ZNF143: variants seen among roughly 807,000 people sequenced by gnomAD.
The protein encoded by ZNF143 is zinc finger protein 143.
A neutral mutation model predicts 74.1 loss-of-function variants in ZNF143; 49 were observed. That is an observed-to-expected ratio of 0.66 (90% CI 0.53 to 0.84). The LOEUF is 0.84. Among genes scored for constraint, ZNF143 ranks in the 40% least tolerant of loss-of-function variants. The probability of loss-of-function intolerance (pLI) is 0.00; values close to 1 mark genes in which losing one functional copy is unlikely to be tolerated. For missense variants in ZNF143, 637 were observed against 793.4 expected (o/e 0.80, Z 2.37); for synonymous variants, 304 against 282.8 (o/e 1.07, Z -0.75).
chr11:9,504,086 A>C lies in ZNF143; in HGVS notation c.1147+2816A>C, dbSNP rs1445001767. 6.0e-5 allele frequency among the ~76,000 whole-genome samples: 8 copies of C among 133,564 alleles called. 1 individual carries two copies. The highest frequency in any genetic ancestry group is 2.3e-4 in the African/African-American group (8 of 34,796). 87.6% of individuals were successfully genotyped at this position (133,564 alleles called of 152,430 possible). On this transcript the variant is annotated intron_variant, in intron 11 of 15. Transcript: ENST00000396602. ...GCAATTCTTCTGCCTCAGCCCCCAC[A>C]AGTAGCTGGGATTACAGACACCTGC...
intron 7 of ZNF143, among the ~76,000 whole-genome samples, chr11:9,486,371 A>ATAAT (rs1477531952): frequency 1.4e-4 from 5 of 36,716 alleles, no homozygotes; most frequent in African/African-American, 5.0e-4. Context: ...TATTATATAT[A>ATAAT]ATATATTATA....
chr11:9,502,772 G>T (rs1028982178), intron 11 of ZNF143, among the ~76,000 whole-genome samples: 1 of 151,608 alleles, frequency 6.6e-6, no homozygotes, highest in African/African-American at 2.4e-5. Context: ...AAGCAATCAC[G>T]AATCTACTTT....
chr11:9,522,312 A>C (rs1848960431), intron 14 of ZNF143, among the ~76,000 whole-genome samples: 1 of 152,000 alleles, frequency 6.6e-6, no homozygotes, highest in East Asian at 1.9e-4. Flanking sequence ...GCTGGCCTCA[A>C]ACTCCTGGGC....
intron 5 of ZNF143, among the ~76,000 whole-genome samples, chr11:9,475,079 G>A (rs1419186934): frequency 6.6e-6 from 1 of 152,190 alleles, no homozygotes; most frequent in African/African-American, 2.4e-5. Context: ...TAGAGACAGG[G>A]TCTTACTCTG....
In ZNF143 at chr11:9,516,223, T is replaced by C. The variant is rs750465934; in HGVS notation, c.1547T>C (p.Met516Thr). The C allele has an allele frequency of 3.1e-6, 5 of 1,613,938 alleles. No homozygotes were observed. Among genetic ancestry groups the C allele is most frequent in the South Asian group, 2.2e-5 (2 of 91,086 alleles). ...CAGGTCAACATATCTCAAGCTGACATGCAGGCCATTGGCAACACCATCACA... is the reference window on the plus strand; with the variant it reads ...CAGGTCAACATATCTCAAGCTGACACGCAGGCCATTGGCAACACCATCACA... ...TQHVNISQAD[M>T]QAIGNTITMV... The change falls in exon 14 of 16, where the codon ATG (methionine) becomes ACG (threonine). Residue 516 changes from methionine (M) to threonine (T), a missense_variant. Physicochemically the swap from Met to Thr is moderately conservative, Grantham distance 81. Around this residue, in one of 2 missense-constraint regions of ZNF143, gnomAD observed 344 missense variants for 485.6 expected, o/e 0.71. Coordinates refer to ENST00000396602, the MANE Select transcript of ZNF143 (RefSeq NM_003442.6).
In ZNF143 at chr11:9,504,706, G is replaced by A. The variant is rs1217648766; in HGVS notation, c.1147+3436G>A. ...TTTTTTTTTTTTGAGACAGCGTCTC[G>A]CTCTGTTGCCCAGGCTGGAGTGCAA... is the stretch of plus-strand genomic sequence containing the variant. On this transcript the variant is annotated intron_variant, in intron 11 of 15. Transcript: ENST00000396602. Among the ~76,000 whole-genome samples, 23 of 94,510 alleles carry A rather than the reference G, an allele frequency of 2.4e-4. 3 individuals carry two copies. Among genetic ancestry groups the A allele is most frequent in the African/African-American group, 6.7e-4 (19 of 28,418 alleles). 62.0% of individuals were successfully genotyped at this position (94,510 alleles called of 152,430 possible).
At chr11:9,498,317 A>G (rs1848041934) in intron 10 of ZNF143, among the ~76,000 whole-genome samples, 1 of 152,220 alleles carries the variant, frequency 6.6e-6, no homozygotes. Context: ...CACGTCCCAG[A>G]AAAGATTAAC....
chr11:9,500,475 C>T (rs1397951571), intron 10 of ZNF143, among the ~76,000 whole-genome samples: 3 of 151,790 alleles, frequency 2.0e-5, no homozygotes, highest in East Asian at 1.9e-4. Context: ...GCTCTGTCGC[C>T]GAGGCTGGAG....
chr11:9,522,065 CA>C (rs34484384), intron 14 of ZNF143, among the ~76,000 whole-genome samples: 318 of 97,548 alleles, frequency 3.3e-3, no homozygotes, highest in Non-Finnish European at 3.8e-3. Flanking sequence ...GACCCTGTCT[CA>C]AAAAAAAAAA....
At chr11:9,477,171 CTCCT>C (rs1336303969) in intron 5 of ZNF143, among the ~76,000 whole-genome samples, 57 of 132,690 alleles carry the variant, frequency 4.3e-4, no homozygotes, top group African/African-American at 1.5e-3. Flanking sequence ...TCCTTCCTTC[CTCCT>C]CTCCCTTCCC....
At position 9,478,515 on chromosome 11, in the gene ZNF143, G is replaced by A. The variant is rs766683132; in HGVS notation, c.499G>A (p.Ala167Thr). Residue 167 changes from alanine (A) to threonine (T), a missense_variant, in exon 6 of 16, where the codon GCA becomes ACA. By Grantham distance (58) the Ala-to-Thr change is moderately conservative (BLOSUM62 0). Transcript: ENST00000396602. ...ILAIQADGTV[A>T]GLHTGDATID... The stretch of plus-strand genomic sequence containing the variant: ...GGCAATTCAGGCTGATGGGACAGTG[G>A]CAGGTCTGCACACTGGGGATGCTAC... 1.2e-6 allele frequency: 2 copies of A among 1,614,186 alleles called. No homozygotes were observed. Among genetic ancestry groups the A allele is most frequent in the Non-Finnish European group, 1.7e-6 (2 of 1,180,010 alleles).
chr11:9,467,944 A>G (rs1353597089), intron 1 of ZNF143, among the ~76,000 whole-genome samples: 1 of 151,846 alleles, frequency 6.6e-6, no homozygotes, highest in African/African-American at 2.4e-5. Context: ...TGTCACGATG[A>G]GCAATTTGGG....
At position 9,527,864 on chromosome 11, in the gene ZNF143, T is replaced by A. The variant is rs138410837; in HGVS notation, c.*251T>A. On this transcript the variant is annotated 3_prime_UTR_variant, in exon 16 of 16. Transcript: ENST00000396602. The stretch of plus-strand genomic sequence containing the variant: ...GCAATACAGTAAATTTTCATGTTAC[T>A]CTTTTATCAGATCACAAACTCCTAG... 24 of 352,056 alleles carry A rather than the reference T, an allele frequency of 6.8e-5. No homozygotes were observed. The highest frequency in any genetic ancestry group is 4.6e-4 in the African/African-American group (22 of 48,306). The allele number at this position is 352,056 out of a possible 1,614,324, so 21.8% of individuals were successfully genotyped here. A position where few individuals can be genotyped will look rare whatever the true frequency, so the allele number is the denominator to read the frequency against.
At position 9,501,076 on chromosome 11, in the gene ZNF143, C is replaced by T. The variant is rs1288174228; in HGVS notation, c.968-15C>T. On this transcript the variant is annotated splice_polypyrimidine_tract_variant and intron_variant, in intron 10 of 15. Transcript: ENST00000396602. ...ATTTTTGCACCATTTAATGTATTAC[C>T]CTTTATATTTGCAGGAGAAAGGCCC... 2 of 1,613,712 alleles carry T rather than the reference C, an allele frequency of 1.2e-6. No individual in the cohort carries two copies. Among genetic ancestry groups the T allele is most frequent in the Non-Finnish European group, 1.7e-6 (2 of 1,179,900 alleles).
intron 15 of ZNF143, among the ~76,000 whole-genome samples, chr11:9,526,032 C>T (rs1849113892): frequency 2.0e-5 from 3 of 151,968 alleles, no homozygotes; most frequent in Non-Finnish European, 4.4e-5. Context: ...TGCCCAGCTA[C>T]TTGGGGGGTG....
intron 7 of ZNF143, among the ~76,000 whole-genome samples, chr11:9,487,960 C>T (rs1437945242): frequency 6.6e-6 from 1 of 152,158 alleles, no homozygotes; most frequent in Non-Finnish European, 1.5e-5. Flanking sequence ...GCTTTCTATT[C>T]CACAGTCATT....
chr11:9,461,180 GC>G (rs1855802556), intron 1 of ZNF143, 104 bp downstream of exon 1: 2 of 714,558 alleles, frequency 2.8e-6, no homozygotes, highest in Admixed American at 1.3e-4. Context: ...TCCGGCTCCC[GC>G]TGCTCAGCCT....
intron 5 of ZNF143, among the ~76,000 whole-genome samples, chr11:9,476,705 T>G (rs1222491809): frequency 1.4e-5 from 2 of 147,394 alleles, no homozygotes; most frequent in African/African-American, 4.9e-5. Flanking sequence ...ACATAACACG[T>G]TTTAGAAAGG....
At chr11:9,480,518 G>T (rs373687381) in intron 7 of ZNF143, among the ~76,000 whole-genome samples, 2 of 152,082 alleles carry the variant, frequency 1.3e-5, no homozygotes, top group East Asian at 3.9e-4. Flanking sequence ...TACTGTTAGG[G>T]GTTATCAAGA....
Sources: allele counts gnomAD v4.1 joint callset (sites outside exome capture counted in the v4.1 genomes callset), GRCh38; gene constraint gnomAD v4.1.1; regional missense constraint gnomAD v4.1.1; transcripts MANE v1.5; gene names NCBI Gene and HGNC (gene_info 2026-07-23, HGNC 2026-07-21).